ADCY2: variants seen among roughly 807,000 people sequenced by gnomAD.
ADCY2 encodes adenylate cyclase type 2.
ADCY2 carries 31 observed loss-of-function variants against 125.2 expected under a neutral mutation model. That is an observed-to-expected ratio of 0.25 (90% CI 0.19 to 0.33). ADCY2 has a LOEUF of 0.33. Among genes scored for constraint, ADCY2 ranks in the 10% least tolerant of loss-of-function variants. The probability of loss-of-function intolerance (pLI) is 1.00; values close to 1 mark genes in which losing one functional copy is unlikely to be tolerated. For missense variants in ADCY2, 904 were observed against 1,418.2 expected (o/e 0.64, Z 5.82); for synonymous variants, 512 against 548.4 (o/e 0.93, Z 0.93).
At chr5:7,710,078 A>C (rs947077014) in intron 10 of ADCY2, among the ~76,000 whole-genome samples, 1 of 152,224 alleles carries the variant, frequency 6.6e-6, no homozygotes, top group African/African-American at 2.4e-5. Flanking sequence ...ACAGCTTTTT[A>C]AAAATACAGT....
At chr5:7,467,967 G>A (rs1336596801) in intron 2 of ADCY2, among the ~76,000 whole-genome samples, 4 of 152,058 alleles carry the variant, frequency 2.6e-5, no homozygotes, top group Non-Finnish European at 5.9e-5. Context: ...AAAAACTGCT[G>A]GTTTATAAAC....
intron 8 of ADCY2, among the ~76,000 whole-genome samples, chr5:7,707,253 A>G (rs1741294136): frequency 6.6e-6 from 1 of 152,222 alleles, no homozygotes; most frequent in Non-Finnish European, 1.5e-5. Flanking sequence ...CATTATATTA[A>G]AATAAGTGAC....
chr5:7,424,612 T>G (rs1740321944), intron 2 of ADCY2, among the ~76,000 whole-genome samples: 1 of 152,208 alleles, frequency 6.6e-6, no homozygotes, highest in Non-Finnish European at 1.5e-5. Context: ...AAAAACTTCG[T>G]GGGGAGGGAG....
At chr5:7,772,566 T>G (rs1244170423) in intron 17 of ADCY2, among the ~76,000 whole-genome samples, 1 of 152,242 alleles carries the variant, frequency 6.6e-6, no homozygotes, top group East Asian at 1.9e-4. Flanking sequence ...AGACTTAACT[T>G]ACATTTAAGG....
chr5:7,555,883 C>CACACACAG (rs146786610), intron 3 of ADCY2, among the ~76,000 whole-genome samples: 6 of 151,018 alleles, frequency 4.0e-5, no homozygotes, highest in Admixed American at 1.3e-4. Context: ...CACACACACA[C>CACACACAG]AGACATGATT....
chr5:7,674,188 T>G (rs1199849925), intron 4 of ADCY2, among the ~76,000 whole-genome samples: 2 of 152,144 alleles, frequency 1.3e-5, no homozygotes, highest in Non-Finnish European at 2.9e-5. Context: ...GTGGTGAGGT[T>G]GTTTTCTGCT....
At chr5:7,811,394 G>C (rs945257480) in intron 22 of ADCY2, among the ~76,000 whole-genome samples, 1 of 151,780 alleles carries the variant, frequency 6.6e-6, no homozygotes, top group Non-Finnish European at 1.5e-5. Context: ...CCAGCTACTC[G>C]GGAGGCTGAG....
chr5:7,752,972 C>T (rs1202468029), intron 15 of ADCY2, among the ~76,000 whole-genome samples: 1 of 147,552 alleles, frequency 6.8e-6, no homozygotes, highest in East Asian at 2.0e-4. Context: ...AATCTCAGCT[C>T]ACTGCAACCT....
rs968318518 is a variant in ADCY2, at chr5:7,476,239, A to G, written c.409-44499A>G. 2.6e-5 allele frequency among the ~76,000 whole-genome samples: 4 copies of G among 151,912 alleles called. No individual in the cohort carries two copies. In the East Asian group the frequency reaches 7.7e-4, roughly 29 times the overall value. On this transcript the variant is annotated intron_variant, in intron 2 of 24. Coordinates refer to ENST00000338316, the MANE Select transcript of ADCY2 (RefSeq NM_020546.3). ...TGGATGGGGGTAAAAAAAAAAAAGT[A>G]TGAATGTTGGAGCTTGGGGCTGGGT...
intron 4 of ADCY2, among the ~76,000 whole-genome samples, chr5:7,649,905 C>T (rs1394551824): frequency 1.3e-5 from 2 of 152,084 alleles, no homozygotes. Flanking sequence ...CTAGGAGGAG[C>T]CATACTGGAC....
At chr5:7,647,920 CT>C (rs1453495262) in intron 4 of ADCY2, among the ~76,000 whole-genome samples, 1 of 152,162 alleles carries the variant, frequency 6.6e-6, no homozygotes, top group Non-Finnish European at 1.5e-5. Flanking sequence ...ATAAGCGGAC[CT>C]TCTCCTTTTC....
intron 4 of ADCY2, among the ~76,000 whole-genome samples, chr5:7,670,725 C>T (rs974430197): frequency 1.8e-4 from 27 of 152,132 alleles, no homozygotes; most frequent in African/African-American, 6.0e-4. Flanking sequence ...ATAAGGAGCA[C>T]GCAACCTAGA....
intron 2 of ADCY2, among the ~76,000 whole-genome samples, chr5:7,476,735 G>T (rs944999104): frequency 2.6e-5 from 4 of 152,132 alleles, no homozygotes; most frequent in African/African-American, 9.7e-5. Flanking sequence ...GCAAATGGAT[G>T]ATCTCCAGAA....
chr5:7,700,178 T>C (rs147771025), intron 7 of ADCY2, among the ~76,000 whole-genome samples: 20 of 152,342 alleles, frequency 1.3e-4, no homozygotes, highest in African/African-American at 4.8e-4. Flanking sequence ...GAATTTAATT[T>C]TAATTTGTAT....
intron 4 of ADCY2, among the ~76,000 whole-genome samples, chr5:7,629,206 G>A (rs755532408): frequency 7.9e-5 from 12 of 152,196 alleles, no homozygotes; most frequent in Admixed American, 7.9e-4. Flanking sequence ...GTTGAGAGGC[G>A]GCCACCTTGG....
At chr5:7,583,254 T>A (rs534370296) in intron 3 of ADCY2, among the ~76,000 whole-genome samples, 1 of 152,174 alleles carries the variant, frequency 6.6e-6, no homozygotes, top group South Asian at 2.1e-4. Flanking sequence ...CATATTAGGA[T>A]GAAAATTTTC....
chr5:7,704,981 G>C (rs531817177), intron 7 of ADCY2, among the ~76,000 whole-genome samples: 1 of 152,132 alleles, frequency 6.6e-6, no homozygotes, highest in East Asian at 1.9e-4. Flanking sequence ...GTTTTAACCA[G>C]TCAGCTCGTT....
intron 4 of ADCY2, among the ~76,000 whole-genome samples, chr5:7,628,439 G>A (rs56905198): frequency 6.6e-6 from 1 of 152,074 alleles, no homozygotes; most frequent in East Asian, 1.9e-4. Flanking sequence ...AAAGCACATG[G>A]CATCCCTTGC....
intron 2 of ADCY2, among the ~76,000 whole-genome samples, chr5:7,419,383 G>A (rs186133664): frequency 2.9e-4 from 44 of 152,272 alleles, no homozygotes; most frequent in African/African-American, 9.1e-4. Context: ...AGCCCCTGTT[G>A]TCCTCTCTCT....
Sources: allele counts gnomAD v4.1 joint callset (sites outside exome capture counted in the v4.1 genomes callset), GRCh38; gene constraint gnomAD v4.1.1; transcripts MANE v1.5; gene names NCBI Gene and HGNC (gene_info 2026-07-23, HGNC 2026-07-21).